The following LRRC74A variants were observed in gnomAD, a reference collection of about 807,000 sequenced individuals.
The protein encoded by LRRC74A is leucine rich repeat containing 74A, also known as leucine-rich repeat-containing protein 74A.
Under a neutral mutation model 57.9 loss-of-function variants are expected in LRRC74A, and 44 were observed. The ratio of observed to expected loss-of-function variants is 0.76; its 90% confidence interval spans 0.60 to 0.98. The LOEUF is 0.98. Ranked by LOEUF, LRRC74A falls within the 50% of genes least tolerant of loss-of-function variation. The probability of loss-of-function intolerance (pLI) is 0.00; values close to 1 mark genes in which losing one functional copy is unlikely to be tolerated. For missense variants in LRRC74A, 572 were observed against 574.0 expected (o/e 1.00, Z 0.04); for synonymous variants, 211 against 219.4 (o/e 0.96, Z 0.34).
chr14:76,834,033 T>C (rs1896150243), intron 3 of LRRC74A, among the ~76,000 whole-genome samples: 1 of 152,232 alleles, frequency 6.6e-6, no homozygotes, highest in South Asian at 2.1e-4. Flanking sequence ...TAGCCCCCAC[T>C]TGGCATTGAA....
chr14:76,850,725 G>A (rs577734758), intron 7 of LRRC74A, among the ~76,000 whole-genome samples: 5 of 151,890 alleles, frequency 3.3e-5, no homozygotes, highest in Non-Finnish European at 7.4e-5. Flanking sequence ...AAAATTAGCT[G>A]GGCGTGGTGG....
intron 9 of LRRC74A, among the ~76,000 whole-genome samples, chr14:76,854,239 C>T (rs920431359): frequency 6.6e-6 from 1 of 152,222 alleles, no homozygotes; most frequent in Non-Finnish European, 1.5e-5. Flanking sequence ...ACTTGCTGCC[C>T]TTCCTAATTC....
chr14:76,838,827 C>G (rs992214505), intron 5 of LRRC74A, among the ~76,000 whole-genome samples: 14 of 152,306 alleles, frequency 9.2e-5, no homozygotes, highest in African/African-American at 3.4e-4. Flanking sequence ...TCTCAAACTC[C>G]TGGGCTCAAG....
intron 7 of LRRC74A, 122 bp from the exon 8 acceptor site, chr14:76,852,243 G>A: frequency 1.6e-6 from 1 of 643,468 alleles, no homozygotes; most frequent in Non-Finnish European, 2.6e-6. Flanking sequence ...ATTATTATCT[G>A]AGAATTTTAC....
chr14:76,851,434 T>G (rs1897477253), intron 7 of LRRC74A, among the ~76,000 whole-genome samples: 1 of 152,234 alleles, frequency 6.6e-6, no homozygotes, highest in African/African-American at 2.4e-5. Context: ...CTTGGCTCAC[T>G]GCAAACTCCG....
intron 5 of LRRC74A, among the ~76,000 whole-genome samples, chr14:76,838,415 A>G (rs937073741): frequency 2.0e-5 from 3 of 152,242 alleles, no homozygotes; most frequent in Non-Finnish European, 4.4e-5. Context: ...TAAAGACTGA[A>G]CAAATAAATT....
At chr14:76,829,216 G>T in intron 2 of LRRC74A, 1 of 1,285,452 alleles carries the variant, frequency 7.8e-7, no homozygotes, top group Non-Finnish European at 1.0e-6. Context: ...TTCCTCCCCT[G>T]CATCCTTGCA....
At chr14:76,854,100 C>A (rs374409901) in intron 9 of LRRC74A, among the ~76,000 whole-genome samples, 1 of 152,254 alleles carries the variant, frequency 6.6e-6, no homozygotes, top group South Asian at 2.1e-4. Flanking sequence ...CACCCAAGAC[C>A]CCCTGGTCTT....
At chr14:76,842,056 T>C (rs1180456453) in intron 5 of LRRC74A, among the ~76,000 whole-genome samples, 2 of 152,186 alleles carry the variant, frequency 1.3e-5, no homozygotes, top group East Asian at 3.8e-4. Context: ...TTTCTTCTAT[T>C]ATAAGCCTTG....
At chr14:76,863,001 G>A (rs1898437942) in intron 11 of LRRC74A, among the ~76,000 whole-genome samples, 2 of 152,268 alleles carry the variant, frequency 1.3e-5, no homozygotes, top group Middle Eastern at 3.4e-3. Context: ...GTGAATTGAA[G>A]AGGGTAAGAA....
Position 76,844,905 on chromosome 14 carries a change from A to T in LRRC74A, c.676+4A>T. The T allele has an allele frequency of 6.6e-7, 1 of 1,520,354 alleles. No homozygotes were observed. Among genetic ancestry groups the T allele is most frequent in the Non-Finnish European group, 9.1e-7 (1 of 1,095,118 alleles). The allele number at this position is 1,520,354 out of a possible 1,614,324, so 94.2% of individuals were successfully genotyped here. A position where few individuals can be genotyped will look rare whatever the true frequency, so the allele number is the denominator to read the frequency against. ...GAGCACCTGGGCCAGATGCTGGGTG[A>T]GTCTCCCTGGAGGAAGGGACAGCAA... On this transcript the variant is annotated splice_donor_region_variant and intron_variant, in intron 7 of 13. Coordinates refer to ENST00000689127, the MANE Select transcript of LRRC74A (RefSeq NM_001385106.1).
At chr14:76,853,940 C>T (rs540915134) in intron 9 of LRRC74A, among the ~76,000 whole-genome samples, 93 of 152,220 alleles carry the variant, frequency 6.1e-4, no homozygotes, top group African/African-American at 2.1e-3. Context: ...TTTTTGAACA[C>T]AAATCTGACA....
chr14:76,853,592 T>C (rs1289255589), intron 9 of LRRC74A, among the ~76,000 whole-genome samples, 182 bp downstream of exon 9: 1 of 152,142 alleles, frequency 6.6e-6, no homozygotes, highest in Non-Finnish European at 1.5e-5. Flanking sequence ...TTCTCTACTA[T>C]AAAGCCAGTG....
At chr14:76,835,025 C>T (rs994478314) in intron 3 of LRRC74A, among the ~76,000 whole-genome samples, 1 of 152,186 alleles carries the variant, frequency 6.6e-6, no homozygotes, top group African/African-American at 2.4e-5. Flanking sequence ...TGCTACTTCT[C>T]TTGCTCCTTA....
chr14:76,869,083 GC>G (rs1445400485), intron 13 of LRRC74A, among the ~76,000 whole-genome samples: 1 of 11,214 alleles, frequency 8.9e-5, no homozygotes, highest in Non-Finnish European at 1.9e-4. Context: ...CTCCTCACCT[GC>G]CCCGTGCCTC....
At position 76,851,033 on chromosome 14, in the gene LRRC74A, A is replaced by G. The variant is rs151059463; in HGVS notation, c.677-1332A>G. Among the ~76,000 whole-genome samples the G allele has an allele frequency of 6.0e-3, 908 of 152,288 alleles. 4 individuals are homozygous for G. Among genetic ancestry groups the G allele is most frequent in the Non-Finnish European group, 8.0e-3 (546 of 68,030 alleles). On this transcript the variant is annotated intron_variant, in intron 7 of 13. Transcript: ENST00000689127. ...TCCCCAAATAAAAACAACAATAATA[A>G]TGTGTTTAAATAGGATGTTCCAACC...
intron 9 of LRRC74A, among the ~76,000 whole-genome samples, chr14:76,854,968 A>G (rs1022047394): frequency 2.0e-5 from 3 of 152,138 alleles, no homozygotes; most frequent in Non-Finnish European, 4.4e-5. Flanking sequence ...CCACACAAGT[A>G]GCAGGAGGCA....
rs1345006766 is a variant in LRRC74A at position 76,860,845 on chromosome 14, C to T, written c.1200+6C>T. ...ACCCCATGAAACTGATCCAGGTGAG[C>T]TCCTGCCTTCCTCTCAGGGCCTCCA... On this transcript the variant is annotated splice_donor_region_variant and intron_variant, in intron 11 of 13. Coordinates refer to ENST00000689127, the MANE Select transcript of LRRC74A (RefSeq NM_001385106.1). 15 of 1,590,536 alleles carry T rather than the reference C, an allele frequency of 9.4e-6. No individual in the cohort carries two copies. The highest frequency in any genetic ancestry group is 1.3e-5 in the Non-Finnish European group (15 of 1,165,490).
chr14:76,857,341 C>A, intron 9 of LRRC74A, 39 bp from the exon 10 acceptor site: 1 of 1,358,064 alleles, frequency 7.4e-7, no homozygotes, highest in Non-Finnish European at 1.0e-6. Flanking sequence ...GCCTCTCCTC[C>A]CATCTCAGCC....
Sources: allele counts gnomAD v4.1 joint callset (sites outside exome capture counted in the v4.1 genomes callset), GRCh38; gene constraint gnomAD v4.1.1; transcripts MANE v1.5; gene names NCBI Gene and HGNC (gene_info 2026-07-23, HGNC 2026-07-21).